Variants in DNER observed in about 807,000 individuals in gnomAD.
The protein encoded by DNER is delta and Notch-like epidermal growth factor-related receptor.
Under a neutral mutation model 78.2 loss-of-function variants are expected in DNER, and 33 were observed. The ratio of observed to expected loss-of-function variants is 0.42; its 90% confidence interval spans 0.32 to 0.56. The LOEUF is 0.56. DNER is among the 20% of genes least tolerant of loss of function. DNER has a pLI of 0.11. For missense variants in DNER, 918 were observed against 975.3 expected (o/e 0.94, Z 0.78); for synonymous variants, 417 against 384.8 (o/e 1.08, Z -0.98).
intron 7 of DNER, among the ~76,000 whole-genome samples, chr2:229,461,063 A>C (rs2154210850): frequency 6.6e-6 from 1 of 152,216 alleles, no homozygotes; most frequent in South Asian, 2.1e-4. Flanking sequence ...GACATTTTAC[A>C]ACACAAGGTG....
intron 4 of DNER, among the ~76,000 whole-genome samples, chr2:229,555,536 C>T (rs896977530): frequency 4.6e-5 from 7 of 152,136 alleles, no homozygotes; most frequent in East Asian, 1.9e-4. Context: ...TGTGCTCAGG[C>T]GTAAAACATC....
chr2:229,506,113 T>G (rs981057860), intron 6 of DNER, among the ~76,000 whole-genome samples: 1 of 152,200 alleles, frequency 6.6e-6, no homozygotes, highest in Non-Finnish European at 1.5e-5. Context: ...TCTGTTCTCA[T>G]GCTGCTATGA....
intron 5 of DNER, among the ~76,000 whole-genome samples, chr2:229,537,996 T>C (rs1291552897): frequency 6.6e-6 from 1 of 152,196 alleles, no homozygotes; most frequent in Non-Finnish European, 1.5e-5. Context: ...TTAATTACAT[T>C]AGTACCAAGA....
intron 6 of DNER, among the ~76,000 whole-genome samples, chr2:229,499,931 C>CTTTTTTTTTT: frequency 7.4e-6 from 1 of 134,812 alleles, no homozygotes; most frequent in Admixed American, 7.2e-5. Flanking sequence ...GACTTTCTTT[C>CTTTTTTTTTT]TTTTTTTTTT....
chr2:229,700,287 T>TGTGTGTGC lies in DNER; in HGVS notation c.276+13860_276+13861insGCACACAC, dbSNP rs1409977368. 7.0e-5 allele frequency among the ~76,000 whole-genome samples: 6 copies of TGTGTGTGC among 86,188 alleles called. No individual in the cohort carries two copies. In the East Asian group the frequency reaches 2.3e-3, roughly 33 times the overall value. The allele number at this position is 86,188 out of a possible 152,430, so 56.5% of individuals were successfully genotyped here. On this transcript the variant is annotated intron_variant, in intron 1 of 12. Transcript: ENST00000341772. ...GTATATACATTTATGTCAATATATG[T>TGTGTGTGC]GTGTGTGTGTGTGTGTGTGTGTGTG...
intron 6 of DNER, among the ~76,000 whole-genome samples, chr2:229,506,636 A>T (rs61364771): frequency 0.079 from 11,996 of 150,900 alleles, 1,545 homozygotes; most frequent in African/African-American, 0.26. Flanking sequence ...CATCATTTAC[A>T]TTAGGTATAT....
At chr2:229,571,450 G>A (rs1203935364) in intron 4 of DNER, among the ~76,000 whole-genome samples, 1 of 151,802 alleles carries the variant, frequency 6.6e-6, no homozygotes, top group African/African-American at 2.4e-5. Context: ...CTCCTCCCAT[G>A]TGCTACACAT....
intron 4 of DNER, among the ~76,000 whole-genome samples, chr2:229,582,281 T>C (rs1244964163): frequency 6.6e-6 from 1 of 152,156 alleles, no homozygotes; most frequent in Non-Finnish European, 1.5e-5. Context: ...TCCGCAAAGA[T>C]TGCAAAAGGT....
At chr2:229,708,438 G>T (rs564070695) in intron 1 of DNER, among the ~76,000 whole-genome samples, 1 of 152,320 alleles carries the variant, frequency 6.6e-6, no homozygotes, top group South Asian at 2.1e-4. Flanking sequence ...ACTAATGTGG[G>T]GAAGCAGAGG....
intron 10 of DNER, among the ~76,000 whole-genome samples, chr2:229,390,539 C>A (rs180994443): frequency 2.4e-4 from 37 of 152,326 alleles, no homozygotes; most frequent in Admixed American, 6.5e-4. Context: ...ATTGTCTGTT[C>A]TTGGGATCCA....
chr2:229,635,361 GAAA>G (rs58220819), intron 1 of DNER, among the ~76,000 whole-genome samples: 63 of 85,872 alleles, frequency 7.3e-4, no homozygotes, highest in African/African-American at 3.1e-3. Context: ...GGTCCCACAG[GAAA>G]AAAAAAAAAA....
At chr2:229,502,730 A>G (rs539617589) in intron 6 of DNER, among the ~76,000 whole-genome samples, 8 of 152,330 alleles carry the variant, frequency 5.3e-5, no homozygotes, top group African/African-American at 1.7e-4. Flanking sequence ...ATGTCCAACA[A>G]TGGGTAGAGA....
intron 9 of DNER, among the ~76,000 whole-genome samples, chr2:229,415,035 G>A (rs182123652): frequency 2.1e-3 from 324 of 152,252 alleles, no homozygotes; most frequent in African/African-American, 7.4e-3. Context: ...GGTGGTGAAT[G>A]CCTGTAATCC....
At chr2:229,630,679 AG>A (rs997165044) in intron 1 of DNER, among the ~76,000 whole-genome samples, 4 of 152,028 alleles carry the variant, frequency 2.6e-5, no homozygotes, top group African/African-American at 7.3e-5. Context: ...GTACATGTGC[AG>A]GTTTGTTACA....
chr2:229,417,394 G>T (rs1490656667), intron 9 of DNER, among the ~76,000 whole-genome samples: 5 of 152,222 alleles, frequency 3.3e-5, no homozygotes, highest in African/African-American at 1.2e-4. Context: ...ATGGCTTAGA[G>T]AAATGTGTGC....
intron 5 of DNER, among the ~76,000 whole-genome samples, chr2:229,546,517 C>T (rs1696628938): frequency 6.6e-6 from 1 of 152,242 alleles, no homozygotes; most frequent in African/African-American, 2.4e-5. Context: ...GGGGGGATGG[C>T]TGGAGGCCAG....
chr2:229,627,880 G>C (rs537782281), intron 1 of DNER, among the ~76,000 whole-genome samples: 35 of 152,284 alleles, frequency 2.3e-4, no homozygotes, highest in Admixed American at 8.5e-4. Context: ...GCAGTGGTGA[G>C]AGGCAGCAGG....
intron 1 of DNER, among the ~76,000 whole-genome samples, chr2:229,660,111 G>A (rs1698983711): frequency 6.6e-6 from 1 of 152,126 alleles, no homozygotes; most frequent in African/African-American, 2.4e-5. Context: ...AAATGTAAAT[G>A]TGCTCCTTAA....
At chr2:229,680,818 A>C (rs1699373948) in intron 1 of DNER, among the ~76,000 whole-genome samples, 2 of 152,246 alleles carry the variant, frequency 1.3e-5, no homozygotes, top group Admixed American at 1.3e-4. Flanking sequence ...TCTAAATTTG[A>C]AAACCATATA....
Sources: gnomAD v4.1 joint callset for allele counts (sites outside exome capture counted in the v4.1 genomes callset) on GRCh38, gnomAD v4.1.1 for gene constraint, MANE v1.5 for transcripts, NCBI Gene and HGNC (gene_info 2026-07-23, HGNC 2026-07-21) for gene names.